The following C22orf42 variants were observed in gnomAD, a reference collection of about 807,000 sequenced individuals.
The protein encoded by C22orf42 is chromosome 22 open reading frame 42.
Under a neutral mutation model 31.4 loss-of-function variants are expected in C22orf42, and 24 were observed. That is an observed-to-expected ratio of 0.77 (90% CI 0.55 to 1.08). The LOEUF is 1.08. Ranked by LOEUF, C22orf42 falls within the 50% of genes least tolerant of loss-of-function variation. The pLI is 0.00. For synonymous variants in C22orf42, 96 were observed against 112.7 expected, an observed-to-expected ratio of 0.85 and a Z score of 0.94; for missense variants, 276 against 327.3, an observed-to-expected ratio of 0.84 and a Z score of 1.21.
intron 1 of C22orf42, among the ~76,000 whole-genome samples, chr22:32,155,869 C>A (rs1337478523): frequency 6.6e-6 from 1 of 152,002 alleles, no homozygotes; most frequent in Non-Finnish European, 1.5e-5. Flanking sequence ...CTCTTCTTTA[C>A]AAAAAATGTT....
At chr22:32,153,729 A>C (rs370484933) in intron 2 of C22orf42, among the ~76,000 whole-genome samples, 1 of 152,190 alleles carries the variant, frequency 6.6e-6, no homozygotes, top group East Asian at 1.9e-4. Context: ...TCCAAACAAG[A>C]CACAGGAAGG....
In C22orf42 at chr22:32,159,179, C is replaced by A; in HGVS notation, c.37G>T (p.Gly13Trp). The change falls in exon 1 of 9, where the codon GGG becomes TGG. Residue 13 changes from glycine (G) to tryptophan (W), a missense_variant. Transcript: ENST00000382097. Reference protein sequence around the residue: ...SKLTCCLGPSGGLNCDCCRPD... With the variant: ...SKLTCCLGPSWGLNCDCCRPD... Reference sequence around the variant, plus strand: ...CTGCAGCAGTCACAGTTGAGGCCCCCGCTGGGGCCCAGGCAGCAAGTCAGT... The same window carrying A: ...CTGCAGCAGTCACAGTTGAGGCCCCAGCTGGGGCCCAGGCAGCAAGTCAGT... The A allele has an allele frequency of 6.2e-7, 1 of 1,613,976 alleles. No homozygotes were observed. The highest frequency in any genetic ancestry group is 1.1e-5 in the South Asian group (1 of 91,074).
At position 32,151,009 on chromosome 22, in the gene C22orf42, T is replaced by G; in HGVS notation, c.476A>C (p.Glu159Ala). Residue 159 changes from glutamate (E) to alanine (A), a missense_variant, in exon 6 of 9, where the codon GAG becomes GCG. Physicochemically the swap from Glu to Ala is moderately radical, Grantham distance 107 (BLOSUM62 -1). Coordinates refer to ENST00000382097, the MANE Select transcript of C22orf42 (RefSeq NM_001010859.3). ...ENITSDIEIS[E>A]AKHDHHLVED... ...ATACGTACGGTGGTCGTGCTTGGCC[T>G]CAGATATTTCCTGCAGTAAGAGAAA... The G allele has an allele frequency of 6.2e-7, 1 of 1,612,592 alleles. No individual in the cohort carries two copies. Among genetic ancestry groups the G allele is most frequent in the African/African-American group, 1.3e-5 (1 of 74,856 alleles).
At chr22:32,155,986 T>C (rs146605952) in intron 1 of C22orf42, among the ~76,000 whole-genome samples, 2,294 of 152,278 alleles carry the variant, frequency 0.015, 56 homozygotes, top group African/African-American at 0.046. Context: ...CAGTGAGCTA[T>C]GATCAGGCCA....
At chr22:32,153,989 A>T (rs1170551675) in intron 2 of C22orf42, among the ~76,000 whole-genome samples, 1 of 151,630 alleles carries the variant, frequency 6.6e-6, no homozygotes, top group Non-Finnish European at 1.5e-5. Context: ...GCACCAATGC[A>T]CTCCTGGGCG....
chr22:32,156,371 G>A (rs1172993133), intron 1 of C22orf42, among the ~76,000 whole-genome samples: 1 of 150,910 alleles, frequency 6.6e-6, no homozygotes, highest in East Asian at 1.9e-4. Flanking sequence ...TAAAATGCAA[G>A]AGCAGTCTAT....
chr22:32,153,259 A>T (rs5998256), intron 2 of C22orf42, among the ~76,000 whole-genome samples: 11,926 of 152,280 alleles, frequency 0.078, 516 homozygotes, highest in African/African-American at 0.12. Flanking sequence ...AGAAAACAGG[A>T]AATCCTCAGA....
At chr22:32,157,335 T>A (rs1921318226) in intron 1 of C22orf42, among the ~76,000 whole-genome samples, 1 of 152,020 alleles carries the variant, frequency 6.6e-6, no homozygotes, top group Non-Finnish European at 1.5e-5. Flanking sequence ...TTAACAGTAA[T>A]CCCCAGGCTG....
chr22:32,153,810 A>G (rs1921098950), intron 2 of C22orf42, among the ~76,000 whole-genome samples: 1 of 151,786 alleles, frequency 6.6e-6, no homozygotes, highest in African/African-American at 2.4e-5. Context: ...GTCCTTTACT[A>G]TCAAAGTTGA....
chr22:32,150,312 A>G lies in C22orf42; in HGVS notation c.654+7T>C, dbSNP rs118181419. On this transcript the variant is annotated splice_region_variant and intron_variant, in intron 7 of 8. Coordinates refer to ENST00000382097, the MANE Select transcript of C22orf42 (RefSeq NM_001010859.3). ...ATTTCTCTTCCAGACAAAGAAATGC[A>G]TCTTACCATCTCCGGTGTCATGAGG... The G allele has an allele frequency of 8.7e-4, 1,408 of 1,612,864 alleles. 12 individuals carry two copies. The African/African-American group carries it at 0.017, about 19-fold the overall frequency.
intron 5 of C22orf42, 81 bp downstream of exon 5, chr22:32,151,406 A>C: frequency 7.0e-7 from 1 of 1,421,352 alleles, no homozygotes; most frequent in Non-Finnish European, 9.9e-7. Context: ...ATGGCAGTCA[A>C]AAATGATATT....
chr22:32,151,025 G>T lies in C22orf42; in HGVS notation c.466-6C>A, dbSNP rs3888536. The T allele has an allele frequency of 1.9e-6, 3 of 1,610,852 alleles. No individual in the cohort carries two copies. The highest frequency in any genetic ancestry group is 2.5e-6 in the Non-Finnish European group (3 of 1,178,876). The stretch of plus-strand genomic sequence containing the variant: ...TGCTTGGCCTCAGATATTTCCTGCA[G>T]TAAGAGAAAAGAAAAAGAAACACCA... On this transcript the variant is annotated splice_polypyrimidine_tract_variant and splice_region_variant and intron_variant, in intron 5 of 8. Coordinates refer to ENST00000382097, the MANE Select transcript of C22orf42 (RefSeq NM_001010859.3).
At chr22:32,158,829 C>A (rs113057339) in intron 1 of C22orf42, among the ~76,000 whole-genome samples, 155 bp downstream of exon 1, 24 of 152,284 alleles carry the variant, frequency 1.6e-4, no homozygotes, top group African/African-American at 5.3e-4. Flanking sequence ...GCAGAACCAG[C>A]CTTTGTCCCC....
At chr22:32,150,781 A>G (rs1411107767) in intron 6 of C22orf42, 11 of 645,410 alleles carry the variant, frequency 1.7e-5, no homozygotes, top group Non-Finnish European at 2.5e-5. Flanking sequence ...GTGGCTGCCT[A>G]GATCCAGGGG....
At chr22:32,154,668 T>TC (rs1415571081) in intron 1 of C22orf42, among the ~76,000 whole-genome samples, 13 of 152,198 alleles carry the variant, frequency 8.5e-5, no homozygotes, top group African/African-American at 3.1e-4. Context: ...AATGAACCCC[T>TC]CTGTGCCTCA....
intron 3 of C22orf42, 126 bp downstream of exon 3, chr22:32,152,436 T>C: frequency 1.2e-6 from 1 of 821,628 alleles, no homozygotes; most frequent in Middle Eastern, 2.3e-4. Flanking sequence ...CAGTGACCGG[T>C]CTCTAGAGTC....
chr22:32,150,204 A>T, intron 7 of C22orf42, 115 bp downstream of exon 7: 1 of 1,101,740 alleles, frequency 9.1e-7, no homozygotes, highest in South Asian at 1.5e-5. Context: ...CCAACAAAAA[A>T]ATTGTATTTG....
chr22:32,150,577 G>C, intron 6 of C22orf42, 98 bp from the exon 7 acceptor site: 1 of 1,293,880 alleles, frequency 7.7e-7, no homozygotes, highest in South Asian at 1.2e-5. Flanking sequence ...TGTGCAGGTG[G>C]GCGGTTGACA....
chr22:32,157,794 G>A (rs573817578), intron 1 of C22orf42, among the ~76,000 whole-genome samples: 9 of 152,154 alleles, frequency 5.9e-5, no homozygotes, highest in African/African-American at 1.9e-4. Context: ...CTGGTTACCA[G>A]GAAACAACCA....
Sources: allele counts gnomAD v4.1 joint callset (sites outside exome capture counted in the v4.1 genomes callset), GRCh38; gene constraint gnomAD v4.1.1; transcripts MANE v1.5; gene names NCBI Gene and HGNC (gene_info 2026-07-23, HGNC 2026-07-21).